DLG2: variants seen among roughly 807,000 people sequenced by gnomAD.
The protein encoded by DLG2 is discs large MAGUK scaffold protein 2, also known as disks large homolog 2.
DLG2 carries 45 observed loss-of-function variants against 132.5 expected under a neutral mutation model. That is an observed-to-expected ratio of 0.34 (90% CI 0.27 to 0.44). The LOEUF is 0.44. Ranked by LOEUF, DLG2 falls within the 20% of genes least tolerant of loss-of-function variation. The probability of loss-of-function intolerance (pLI) is 1.00; values close to 1 mark genes in which losing one functional copy is unlikely to be tolerated. For synonymous variants in DLG2, 424 were observed against 419.6 expected (o/e 1.01, Z -0.13); for missense variants, 1,045 against 1,196.9 (o/e 0.87, Z 1.87).
chr11:85,269,561 C>T (rs181124785), intron 4 of DLG2, among the ~76,000 whole-genome samples: 21 of 152,220 alleles, frequency 1.4e-4, no homozygotes, highest in Middle Eastern at 3.4e-3. Context: ...AATAATAGTA[C>T]CAATTTCTTA....
intron 4 of DLG2, among the ~76,000 whole-genome samples, chr11:85,258,202 T>G (rs1319473385): frequency 6.6e-6 from 1 of 152,224 alleles, no homozygotes; most frequent in Non-Finnish European, 1.5e-5. Flanking sequence ...AAACTTTTCC[T>G]GCTGTAGAAA....
At chr11:84,479,816 C>G (rs1402521460) in intron 7 of DLG2, among the ~76,000 whole-genome samples, 2 of 151,998 alleles carry the variant, frequency 1.3e-5, no homozygotes, top group Non-Finnish European at 2.9e-5. Context: ...ACATTATGAC[C>G]ATTCAACCTA....
chr11:85,493,316 T>C (rs770631283), intron 3 of DLG2, among the ~76,000 whole-genome samples: 21 of 152,202 alleles, frequency 1.4e-4, no homozygotes, highest in Admixed American at 2.6e-4. Flanking sequence ...CTCATTTCCA[T>C]CTTATGGCCT....
At chr11:85,433,126 T>C (rs2091284227) in intron 3 of DLG2, among the ~76,000 whole-genome samples, 1 of 152,130 alleles carries the variant, frequency 6.6e-6, no homozygotes, top group Non-Finnish European at 1.5e-5. Flanking sequence ...CTGAGAGAAT[T>C]CATCACCATT....
At chr11:84,826,018 G>T (rs975590494) in intron 6 of DLG2, among the ~76,000 whole-genome samples, 1 of 151,608 alleles carries the variant, frequency 6.6e-6, no homozygotes, top group Admixed American at 6.6e-5. Context: ...GTTTGTTGTT[G>T]TTTTTTGCTC....
intron 9 of DLG2, among the ~76,000 whole-genome samples, chr11:84,118,859 ATGT>A (rs1243586119): frequency 6.6e-6 from 1 of 152,210 alleles, no homozygotes; most frequent in Non-Finnish European, 1.5e-5. Context: ...CTCACAAAAA[ATGT>A]TGTTCTATCT....
At chr11:84,735,898 G>A (rs1310450088) in intron 6 of DLG2, among the ~76,000 whole-genome samples, 1 of 151,832 alleles carries the variant, frequency 6.6e-6, no homozygotes, top group Admixed American at 6.6e-5. Context: ...AATACCAGAA[G>A]TTTTTATTAT....
chr11:85,145,217 T>C (rs1183742942), intron 5 of DLG2, among the ~76,000 whole-genome samples: 1 of 152,074 alleles, frequency 6.6e-6, no homozygotes, highest in Non-Finnish European at 1.5e-5. Flanking sequence ...TCCCTTGCAA[T>C]GTTGCTTGTT....
At chr11:85,191,152 G>A (rs1003224637) in intron 4 of DLG2, among the ~76,000 whole-genome samples, 84 of 127,398 alleles carry the variant, frequency 6.6e-4, no homozygotes, top group African/African-American at 2.3e-3. Flanking sequence ...ATGCGCGCGC[G>A]CGCACGCGCG....
At chr11:85,032,828 CTG>C (rs1417229053) in intron 6 of DLG2, among the ~76,000 whole-genome samples, 1 of 152,176 alleles carries the variant, frequency 6.6e-6, no homozygotes, top group Non-Finnish European at 1.5e-5. Context: ...TGTTAATGAA[CTG>C]TACCAAGAAA....
At chr11:84,358,847 T>C (rs1161058741) in intron 7 of DLG2, among the ~76,000 whole-genome samples, 1 of 151,982 alleles carries the variant, frequency 6.6e-6, no homozygotes, top group Non-Finnish European at 1.5e-5. Flanking sequence ...AAATCCCATT[T>C]CTACATACAT....
At position 83,729,350 on chromosome 11, in the gene DLG2, C is replaced by T. The variant is rs146002349; in HGVS notation, c.1825+57340G>A. Among the ~76,000 whole-genome samples, 103 of 152,266 alleles carry T rather than the reference C, an allele frequency of 6.8e-4. 2 individuals are homozygous for T. Among genetic ancestry groups the T allele is most frequent in the Non-Finnish European group, 3.5e-4 (24 of 68,030 alleles). ...TTTCCTGTGGTACTTGTGACAGTTA[C>T]TGAATGAAAAACAAAGGTAGAGTTT... On this transcript the variant is annotated intron_variant, in intron 18 of 27. Transcript: ENST00000376104.
intron 4 of DLG2, among the ~76,000 whole-genome samples, chr11:85,217,567 G>C (rs960478939): frequency 2.0e-5 from 3 of 152,142 alleles, no homozygotes; most frequent in African/African-American, 7.2e-5. Context: ...TTGATTTCTA[G>C]GAGATTCTAC....
At chr11:84,801,404 C>T (rs954606376) in intron 6 of DLG2, among the ~76,000 whole-genome samples, 1 of 152,184 alleles carries the variant, frequency 6.6e-6, no homozygotes, top group African/African-American at 2.4e-5. Flanking sequence ...CCCGTCTCTA[C>T]TAAAAAAATA....
At chr11:85,032,628 G>A (rs536750197) in intron 6 of DLG2, among the ~76,000 whole-genome samples, 13 of 152,198 alleles carry the variant, frequency 8.5e-5, no homozygotes, top group South Asian at 4.1e-4. Context: ...TACTCATTTC[G>A]TCAGAATCAT....
chr11:84,823,052 C>T (rs574965782), intron 6 of DLG2, among the ~76,000 whole-genome samples: 33 of 151,850 alleles, frequency 2.2e-4, no homozygotes, highest in Admixed American at 3.9e-4. Context: ...TTTAAAAATG[C>T]ATGTATGTAA....
intron 7 of DLG2, among the ~76,000 whole-genome samples, chr11:84,420,911 G>T (rs1419179679): frequency 6.6e-6 from 1 of 151,596 alleles, no homozygotes; most frequent in Non-Finnish European, 1.5e-5. Context: ...CTCGTGATCT[G>T]CCCGCCTCGG....
intron 6 of DLG2, among the ~76,000 whole-genome samples, chr11:84,607,939 C>G (rs527314257): frequency 6.6e-6 from 1 of 152,158 alleles, no homozygotes; most frequent in African/African-American, 2.4e-5. Context: ...ACACATGACT[C>G]TAACAACCAG....
At chr11:83,990,784 C>T (rs1446340035) in intron 11 of DLG2, among the ~76,000 whole-genome samples, 4 of 152,116 alleles carry the variant, frequency 2.6e-5, no homozygotes, top group African/African-American at 7.2e-5. Flanking sequence ...CATACTGGTC[C>T]TGTCAGAGTT....
Sources: gnomAD v4.1 joint callset for allele counts (sites outside exome capture counted in the v4.1 genomes callset) on GRCh38, gnomAD v4.1.1 for gene constraint, MANE v1.5 for transcripts, NCBI Gene and HGNC (gene_info 2026-07-23, HGNC 2026-07-21) for gene names.